The following TGIF1 variants were observed in gnomAD, a reference collection of about 807,000 sequenced individuals.
TGIF1 encodes homeobox protein TGIF1.
Under a neutral mutation model 19.3 loss-of-function variants are expected in TGIF1, and 4 were observed. The observed-to-expected ratio is 0.21, with a 90% CI of 0.10 to 0.47. The LOEUF is 0.47. Among genes scored for constraint, TGIF1 ranks in the 20% least tolerant of loss-of-function variants. The pLI is 0.98. For synonymous variants in TGIF1, 122 were observed against 129.3 expected (o/e 0.94, Z 0.38); for missense variants, 275 against 341.4 (o/e 0.81, Z 1.53).
In TGIF1 at chr18:3,457,431, G is replaced by A. The variant is rs2049392011; in HGVS notation, c.310G>A (p.Asp104Asn). The stretch of plus-strand genomic sequence containing the variant: ...TGACATGCTGAGAAAGGATGGCAAA[G>A]ATCCAAATCAGTTCACAATTTCCCG... ...LPDMLRKDGK[D>N]PNQFTISRRG... is the part of the protein sequence containing the mutation. Residue 104 changes from aspartate to asparagine, a missense_variant, in exon 3 of 3, where the codon GAT (aspartate) becomes AAT (asparagine). Asp to Asn is a conservative substitution (Grantham distance 23). Coordinates refer to ENST00000343820, the MANE Select transcript of TGIF1 (RefSeq NM_003244.4). This position sits in a 1 kb window ranked among gnomAD's most constrained non-coding sequence, Gnocchi z 4.9. 13 of 1,614,092 alleles carry A rather than the reference G, an allele frequency of 8.1e-6. No homozygotes were observed. Among genetic ancestry groups the A allele is most frequent in the Non-Finnish European group, 1.1e-5 (13 of 1,180,038 alleles).
chr18:3,452,173 G>T lies in TGIF1; in HGVS notation c.16+1668G>T, dbSNP rs373376588. 4 of 1,613,474 alleles carry T rather than the reference G, an allele frequency of 2.5e-6. No individual in the cohort carries two copies. The African/African-American group carries it at 4.0e-5, about 16-fold the overall frequency. ...TTGGCCTACCTTCCCCCAGCGCCGT[G>T]GTCCTCCCTGGCGACCCCCTCTGCG... On this transcript the variant is annotated intron_variant, in intron 1 of 2. Transcript: ENST00000343820.
chr18:3,445,097 A>G (rs2082722760), intron 2 of TGIF1, among the ~76,000 whole-genome samples: 1 of 152,172 alleles, frequency 6.6e-6, no homozygotes, highest in Admixed American at 6.5e-5. Flanking sequence ...ATCCAGCCCC[A>G]AACGTCAATA....
At chr18:3,448,267 G>C (rs889311379), upstream of TGIF1, 1 of 985,370 alleles carries the variant, frequency 1.0e-6, no homozygotes, top group Non-Finnish European at 1.2e-6. Flanking sequence ...CCTCCTCCCT[G>C]CGTCTCTCCT....
At position 3,451,203 on chromosome 18, in the gene TGIF1, T is replaced by C. The variant is rs1235192810; in HGVS notation, c.16+698T>C. 6.6e-6 allele frequency among the ~76,000 whole-genome samples: 1 copy of C among 152,216 alleles called. No homozygotes were observed. Among genetic ancestry groups the C allele is most frequent in the East Asian group, 1.9e-4 (1 of 5,192 alleles). ...CCAGGGCCAGCAGCTTCAAGCGGCA[T>C]GCAGTCAAAATGCGTCCAAATGTGA... On this transcript the variant is annotated intron_variant, in intron 1 of 2. Coordinates refer to ENST00000343820, the MANE Select transcript of TGIF1 (RefSeq NM_003244.4). This position sits in a 1 kb window ranked among gnomAD's most constrained non-coding sequence, Gnocchi z 5.4.
chr18:3,424,027 G>A (rs1231028819), intron 2 of TGIF1, among the ~76,000 whole-genome samples: 7 of 152,150 alleles, frequency 4.6e-5, no homozygotes, highest in East Asian at 3.8e-4. Context: ...TGGCGCTTCC[G>A]CAGCCCTGGA....
At chr18:3,455,867 T>C (rs1375979621) in intron 1 of TGIF1, 3 of 183,708 alleles carry the variant, frequency 1.6e-5, no homozygotes, top group African/African-American at 7.1e-5. Context: ...AGTGCTCCCT[T>C]TCATTTCAAA....
intron 2 of TGIF1, among the ~76,000 whole-genome samples, chr18:3,443,923 G>T (rs898340975): frequency 6.6e-6 from 1 of 150,872 alleles, no homozygotes; most frequent in Non-Finnish European, 1.5e-5. Context: ...TACAATAAAT[G>T]ATTGTATTCT....
At chr18:3,452,538 T>C (rs181700196) in intron 1 of TGIF1, among the ~76,000 whole-genome samples, 2 of 152,146 alleles carry the variant, frequency 1.3e-5, no homozygotes, top group Non-Finnish European at 2.9e-5. Context: ...ACGGCCTCAT[T>C]TCTAGTTTCT....
At chr18:3,453,991 T>A in intron 1 of TGIF1, 1 of 276,334 alleles carries the variant, frequency 3.6e-6, no homozygotes, top group African/African-American at 2.3e-5. Context: ...GGGAGAGTTT[T>A]AATGAAAACA....
At chr18:3,454,980 C>T (rs966925116) in intron 1 of TGIF1, among the ~76,000 whole-genome samples, 1 of 152,154 alleles carries the variant, frequency 6.6e-6, no homozygotes, top group Admixed American at 6.5e-5. Flanking sequence ...GAGGAATATT[C>T]CGTGTTTATT....
chr18:3,420,206 C>A (rs905712311), intron 2 of TGIF1, among the ~76,000 whole-genome samples: 1 of 151,752 alleles, frequency 6.6e-6, no homozygotes, highest in Non-Finnish European at 1.5e-5. Flanking sequence ...CATGATGAAA[C>A]CCTATCTCTA....
chr18:3,446,985 G>A (rs2082756674), upstream of TGIF1, among the ~76,000 whole-genome samples: 1 of 152,178 alleles, frequency 6.6e-6, no homozygotes, highest in African/African-American at 2.4e-5. Flanking sequence ...TTCACTTGGT[G>A]GACCTGGCAT....
chr18:3,439,194 G>A (rs2082651985), intron 2 of TGIF1, among the ~76,000 whole-genome samples: 1 of 152,026 alleles, frequency 6.6e-6, no homozygotes, highest in Non-Finnish European at 1.5e-5. Flanking sequence ...CATTGTTGAA[G>A]CTGGGTGATG....
rs931368314 is a variant in TGIF1, at chr18:3,458,852, G to A, written c.*912G>A. 2 of 152,150 alleles carry A rather than the reference G, an allele frequency of 1.3e-5. No homozygotes were observed. The highest frequency in any genetic ancestry group is 4.8e-5 in the African/African-American group (2 of 41,426). 9.4% of individuals were successfully genotyped at this position (152,150 alleles called of 1,614,324 possible). A position where few individuals can be genotyped will look rare whatever the true frequency, so the allele number is the denominator to read the frequency against. ...TTTGTTCAGTGGTACATTTAGTTAA[G>A]GCATTTGTATTCAAATGTAGCATAG... On this transcript the variant is annotated 3_prime_UTR_variant, in exon 3 of 3. Transcript: ENST00000343820.
Position 3,450,484 on chromosome 18 carries a change from T to C in TGIF1, c.-6T>C, listed in dbSNP as rs1224802723. On this transcript the variant is annotated 5_prime_UTR_variant, in exon 1 of 3. Coordinates refer to ENST00000343820, the MANE Select transcript of TGIF1 (RefSeq NM_003244.4). ...CCTTGCCTCGCGCTGGGAGGGGAGA[T>C]CCAGAATGAAAGGCAAGAAAGGTAA... The C allele has an allele frequency of 1.4e-5, 22 of 1,560,714 alleles. No homozygotes were observed. Among genetic ancestry groups the C allele is most frequent in the Non-Finnish European group, 1.9e-5 (22 of 1,152,698 alleles).
At chr18:3,432,822 T>C (rs2082565907) in intron 2 of TGIF1, among the ~76,000 whole-genome samples, 3 of 151,834 alleles carry the variant, frequency 2.0e-5, no homozygotes. Flanking sequence ...TGCAGTGGTG[T>C]GATCTCGGCT....
At position 3,456,085 on chromosome 18, in the gene TGIF1, C is replaced by T; in HGVS notation, c.17-269C>T. 2.0e-6 allele frequency: 1 copy of T among 506,536 alleles called. No homozygotes were observed. The highest frequency in any genetic ancestry group is 3.6e-6 in the Non-Finnish European group (1 of 278,048). The allele number at this position is 506,536 out of a possible 1,614,324, so 31.4% of individuals were successfully genotyped here. On this transcript the variant is annotated intron_variant, in intron 1 of 2. Coordinates refer to ENST00000343820, the MANE Select transcript of TGIF1 (RefSeq NM_003244.4). This position sits in a 1 kb window ranked among gnomAD's most constrained non-coding sequence, Gnocchi z 4.2. ...TGATTAGACGAAAGAGTTTTCTGAC[C>T]ATCATTCAAAAGGAATGTGAGAAGT...
At chr18:3,434,631 C>G (rs1250636809) in intron 2 of TGIF1, among the ~76,000 whole-genome samples, 1 of 152,228 alleles carries the variant, frequency 6.6e-6, no homozygotes, top group Non-Finnish European at 1.5e-5. Flanking sequence ...AGGAGAATCG[C>G]TTGAACCCAA....
intron 1 of TGIF1, chr18:3,452,399 G>A (rs769106360): frequency 6.2e-7 from 1 of 1,613,160 alleles, no homozygotes; most frequent in Non-Finnish European, 8.5e-7. Context: ...GGCTGAAGGG[G>A]AAACTTTGCG....
Sources: allele counts gnomAD v4.1 joint callset (sites outside exome capture counted in the v4.1 genomes callset), GRCh38; gene constraint gnomAD v4.1.1; non-coding constraint Gnocchi (gnomAD v3.1); transcripts MANE v1.5; gene names NCBI Gene and HGNC (gene_info 2026-07-23, HGNC 2026-07-21).